The following DPP10 variants were observed in gnomAD, a reference collection of about 807,000 sequenced individuals.
DPP10 encodes inactive dipeptidyl peptidase 10.
DPP10 carries 33 observed loss-of-function variants against 120.9 expected under a neutral mutation model. The observed-to-expected ratio is 0.27, with a 90% CI of 0.21 to 0.37. The LOEUF is 0.37. Ranked by LOEUF, DPP10 falls within the 10% of genes least tolerant of loss-of-function variation. DPP10 has a pLI of 1.00. For missense variants in DPP10, 816 were observed against 942.8 expected (o/e 0.87, Z 1.76); for synonymous variants, 337 against 326.1 (o/e 1.03, Z -0.36).
At chr2:115,438,596 C>T (rs1240608857) in intron 3 of DPP10, among the ~76,000 whole-genome samples, 1 of 152,182 alleles carries the variant, frequency 6.6e-6, no homozygotes, top group East Asian at 1.9e-4. Context: ...CATGCTATCC[C>T]ATAGATGAAT....
At chr2:114,517,954 C>G (rs17765215) in intron 1 of DPP10, among the ~76,000 whole-genome samples, 2 of 151,730 alleles carry the variant, frequency 1.3e-5, no homozygotes, top group East Asian at 3.9e-4. Flanking sequence ...TCTTCTGCAC[C>G]GATTCAGTCA....
chr2:114,991,606 T>C (rs1174740903), intron 1 of DPP10, among the ~76,000 whole-genome samples: 1 of 152,192 alleles, frequency 6.6e-6, no homozygotes, highest in Admixed American at 6.5e-5. Context: ...TTAGCAAGCA[T>C]TAGAAGAAGA....
At chr2:114,787,262 C>A (rs986625645) in intron 1 of DPP10, among the ~76,000 whole-genome samples, 4 of 152,100 alleles carry the variant, frequency 2.6e-5, no homozygotes, top group Non-Finnish European at 5.9e-5. Flanking sequence ...ACATCAAGTG[C>A]AAAACCATGG....
At chr2:115,652,471 C>T (rs2087880680) in intron 5 of DPP10, among the ~76,000 whole-genome samples, 1 of 145,626 alleles carries the variant, frequency 6.9e-6, no homozygotes, top group Non-Finnish European at 1.5e-5. Flanking sequence ...TTCTCTAATA[C>T]CTTTATATAT....
chr2:114,525,126 G>A (rs1360670690), intron 1 of DPP10, among the ~76,000 whole-genome samples: 1 of 152,128 alleles, frequency 6.6e-6, no homozygotes, highest in Non-Finnish European at 1.5e-5. Context: ...TAAGCCTCCA[G>A]AAACTGTATC....
Position 114,656,365 on chromosome 2 carries a change from T to C in DPP10, c.60+213527T>C, listed in dbSNP as rs535273693. Among the ~76,000 whole-genome samples, 11 of 152,170 alleles carry C rather than the reference T, an allele frequency of 7.2e-5. No homozygotes were observed. In the East Asian group the frequency reaches 2.1e-3, roughly 29 times the overall value. On this transcript the variant is annotated intron_variant, in intron 1 of 25. Transcript: ENST00000410059. ...AATGGAAACAAAGAAGGGCATATAT[T>C]TGTAGAGGAGGAAAAGGAGTGATTT...
chr2:115,436,261 CTG>C (rs2071480785), intron 3 of DPP10, among the ~76,000 whole-genome samples: 1 of 151,736 alleles, frequency 6.6e-6, no homozygotes, highest in Non-Finnish European at 1.5e-5. Context: ...GTTCTTACCT[CTG>C]TGTTTGTCAT....
At chr2:114,461,966 A>T in intron 1 of DPP10, 3 of 985,426 alleles carry the variant, frequency 3.0e-6, no homozygotes, top group Non-Finnish European at 2.4e-6. Flanking sequence ...CGACCATCTA[A>T]GATACAGAAG....
intron 1 of DPP10, among the ~76,000 whole-genome samples, chr2:115,143,354 A>G (rs1243163363): frequency 6.6e-6 from 1 of 152,254 alleles, no homozygotes; most frequent in Non-Finnish European, 1.5e-5. Flanking sequence ...TTATAAAACT[A>G]AAGAAAATAT....
chr2:114,665,978 A>C (rs1167842887), intron 1 of DPP10, among the ~76,000 whole-genome samples: 1 of 152,192 alleles, frequency 6.6e-6, no homozygotes, highest in Non-Finnish European at 1.5e-5. Context: ...TAGAAATCTT[A>C]ATATACAGCC....
In DPP10 at chr2:115,817,186, G is replaced by C. The variant is rs572430981; in HGVS notation, c.1950+1457G>C. 9.3e-4 allele frequency among the ~76,000 whole-genome samples: 141 copies of C among 152,002 alleles called. 2 individuals carry two copies. Among genetic ancestry groups the C allele is most frequent in the Middle Eastern group, 6.8e-3 (2 of 294 alleles). On this transcript the variant is annotated intron_variant, in intron 21 of 25. Coordinates refer to ENST00000410059, the MANE Select transcript of DPP10 (RefSeq NM_020868.6). ...TGGCTGATCCCGGGAGGCAGAGTTTGAAGTGAGCCGAGATCGAGCCACCGC... is the reference window on the plus strand; with the variant it reads ...TGGCTGATCCCGGGAGGCAGAGTTTCAAGTGAGCCGAGATCGAGCCACCGC...
chr2:115,802,792 GAGAT>G (rs577685159), intron 19 of DPP10, among the ~76,000 whole-genome samples: 2,683 of 152,124 alleles, frequency 0.018, 76 homozygotes, highest in African/African-American at 0.059. Flanking sequence ...TGTGGTCTGA[GAGAT>G]AGTTTGTTAT....
At chr2:115,632,796 A>T (rs971129594) in intron 5 of DPP10, among the ~76,000 whole-genome samples, 1 of 152,222 alleles carries the variant, frequency 6.6e-6, no homozygotes, top group Non-Finnish European at 1.5e-5. Context: ...TTCTCAAAAG[A>T]AGACATTTAT....
At chr2:115,302,447 C>T (rs2105983388) in intron 1 of DPP10, among the ~76,000 whole-genome samples, 2 of 151,978 alleles carry the variant, frequency 1.3e-5, no homozygotes, top group South Asian at 4.1e-4. Flanking sequence ...CCCATCTCTA[C>T]ACAAAATATA....
intron 1 of DPP10, among the ~76,000 whole-genome samples, chr2:114,913,028 T>C (rs767112423): frequency 6.6e-6 from 1 of 152,294 alleles, no homozygotes; most frequent in East Asian, 1.9e-4. Context: ...ATGTGGCCAA[T>C]ATGATATGAG....
At chr2:114,470,169 G>A (rs866727779) in intron 1 of DPP10, among the ~76,000 whole-genome samples, 9 of 152,306 alleles carry the variant, frequency 5.9e-5, no homozygotes, top group African/African-American at 1.2e-4. Context: ...GCACAGAACC[G>A]TCAAAACCAT....
chr2:115,241,194 G>T (rs556394869), intron 1 of DPP10, among the ~76,000 whole-genome samples: 1 of 152,152 alleles, frequency 6.6e-6, no homozygotes, highest in Non-Finnish European at 1.5e-5. Flanking sequence ...GCTTGAACCC[G>T]GGAGGCGGAG....
chr2:114,899,915 G>T (rs1337483843), intron 1 of DPP10, among the ~76,000 whole-genome samples: 1 of 152,144 alleles, frequency 6.6e-6, no homozygotes. Flanking sequence ...AGCCAAGATC[G>T]CACCACTGCA....
intron 7 of DPP10, among the ~76,000 whole-genome samples, chr2:115,690,470 G>T (rs977517302): frequency 2.8e-4 from 42 of 152,254 alleles, no homozygotes; most frequent in African/African-American, 9.9e-4. Context: ...ATCCAGGCTG[G>T]AGTGAGATCT....
Sources: gnomAD v4.1 joint callset for allele counts (sites outside exome capture counted in the v4.1 genomes callset) on GRCh38, gnomAD v4.1.1 for gene constraint, MANE v1.5 for transcripts, NCBI Gene and HGNC (gene_info 2026-07-23, HGNC 2026-07-21) for gene names.